EMC3: variants seen among roughly 807,000 people sequenced by gnomAD.
EMC3 encodes the protein ER membrane protein complex subunit 3.
In EMC3, 13 loss-of-function variants were observed where a neutral mutation model predicts 36.6. That is an observed-to-expected ratio of 0.35 (90% confidence interval 0.23 to 0.56). The LOEUF (loss-of-function observed/expected upper bound fraction) is 0.56. Among genes scored for constraint, EMC3 ranks in the 20% least tolerant of loss-of-function variants. The probability of loss-of-function intolerance (pLI) is 0.84; values close to 1 mark genes in which losing one functional copy is unlikely to be tolerated. For synonymous variants in EMC3, 120 were observed against 111.9 expected (o/e 1.07, Z -0.46); for missense variants, 220 against 324.5 (o/e 0.68, Z 2.47).
chr3:10,010,366 C>T (rs956291341), intron 1 of EMC3: 10 of 152,186 alleles, frequency 6.6e-5, no homozygotes, highest in African/African-American at 2.2e-4. Flanking sequence ...GAGATCGCGC[C>T]ACTGCACTCC....
At chr3:9,967,368 A>G (rs2085744453) in intron 7 of EMC3, among the ~76,000 whole-genome samples, 1 of 73,478 alleles carries the variant, frequency 1.4e-5, no homozygotes, top group Admixed American at 1.2e-4. Context: ...CTGTTGAACC[A>G]TTTGGACTTA....
At chr3:9,988,538 A>G (rs998377474), upstream of EMC3, 108 of 905,782 alleles carry the variant, frequency 1.2e-4, 1 homozygote, top group Non-Finnish European at 1.9e-4. Flanking sequence ...TGACAGATGT[A>G]TAACTGAGGT....
At chr3:9,973,761 T>A (rs2085815005) in intron 4 of EMC3, 52 bp from the exon 5 acceptor site, 4 of 1,504,068 alleles carry the variant, frequency 2.7e-6, no homozygotes, top group Non-Finnish European at 3.7e-6. Flanking sequence ...ATTTTTAGAA[T>A]AAGTGTGACT....
chr3:10,001,774 G>A (rs2086203350), intron 1 of EMC3, among the ~76,000 whole-genome samples: 1 of 152,086 alleles, frequency 6.6e-6, no homozygotes, highest in Non-Finnish European at 1.5e-5. Flanking sequence ...GAGGCGGGCA[G>A]ATCACGAGTT....
At chr3:9,993,261 C>T (rs1246650896) in intron 1 of EMC3, among the ~76,000 whole-genome samples, 1 of 152,104 alleles carries the variant, frequency 6.6e-6, no homozygotes, top group Non-Finnish European at 1.5e-5. Flanking sequence ...CTAGTAGAAA[C>T]GTAAATATGG....
At chr3:10,007,816 G>A (rs751311069) in intron 1 of EMC3, among the ~76,000 whole-genome samples, 4 of 152,076 alleles carry the variant, frequency 2.6e-5, no homozygotes, top group Admixed American at 6.5e-5. Context: ...GTGCATGGCC[G>A]GCATCTGAGT....
At chr3:9,969,275 T>C (rs2085761763) in intron 7 of EMC3, 4 of 1,065,980 alleles carry the variant, frequency 3.8e-6, no homozygotes, top group Admixed American at 5.0e-5. Context: ...TTCCCTTCTC[T>C]TTTAGTTTCT....
chr3:10,007,409 CG>C, intron 1 of EMC3: 1 of 1,361,224 alleles, frequency 7.3e-7, no homozygotes, highest in Non-Finnish European at 9.8e-7. Context: ...GGGTCAGTGG[CG>C]GGGTGTGGTC....
In EMC3 at chr3:9,964,067, C is replaced by T; in HGVS notation, c.*2G>A. ...CTGACACAGCTAATCCCTGCTCGGT[C>T]TTCAAAAAATAGAGGTCTGTAATTC... On this transcript the variant is annotated 3_prime_UTR_variant, in exon 8 of 8. Transcript: ENST00000245046. 6.2e-7 allele frequency: 1 copy of T among 1,614,000 alleles called. No homozygotes were observed. Among genetic ancestry groups the T allele is most frequent in the Non-Finnish European group, 8.5e-7 (1 of 1,179,944 alleles).
At chr3:9,975,607 T>C (rs1008277212) in intron 3 of EMC3, among the ~76,000 whole-genome samples, 1 of 151,820 alleles carries the variant, frequency 6.6e-6, no homozygotes, top group African/African-American at 2.4e-5. Flanking sequence ...GGTCAGGAGA[T>C]GGAGACCATC....
intron 1 of EMC3, among the ~76,000 whole-genome samples, chr3:9,986,262 T>A (rs1265926910): frequency 1.3e-5 from 2 of 152,120 alleles, no homozygotes; most frequent in Non-Finnish European, 2.9e-5. Context: ...CAACACTCAA[T>A]ACGTCCTAGA....
chr3:9,987,127 T>G, upstream of EMC3: 1 of 812,652 alleles, frequency 1.2e-6, no homozygotes, highest in African/African-American at 2.0e-5. Flanking sequence ...GGCAGGAGAA[T>G]GGCGTGAACC....
upstream of EMC3, among the ~76,000 whole-genome samples, chr3:9,990,321 TTC>T (rs1559355838): frequency 1.4e-5 from 2 of 138,532 alleles, no homozygotes; most frequent in African/African-American, 5.7e-5. Flanking sequence ...TGCCGGGCCT[TTC>T]TCTTTTTTTT....
intron 4 of EMC3, 141 bp downstream of exon 4, chr3:9,974,243 G>A (rs1008784548): frequency 5.8e-5 from 36 of 624,620 alleles, no homozygotes; most frequent in Admixed American, 2.3e-4. Context: ...GGCAAAAGCC[G>A]TAAAAGTCAT....
upstream of EMC3, chr3:9,987,113 C>G (rs1429165748): frequency 1.2e-6 from 1 of 823,540 alleles, no homozygotes; most frequent in Non-Finnish European, 1.5e-6. Flanking sequence ...ACTCGGGAGG[C>G]TGAGGCAGGA....
chr3:9,990,272 A>G (rs2086031661), upstream of EMC3, among the ~76,000 whole-genome samples: 1 of 147,152 alleles, frequency 6.8e-6, no homozygotes, highest in African/African-American at 2.5e-5. Flanking sequence ...GATCCACCTC[A>G]GCCTCCCAAA....
chr3:10,000,796 G>T, intron 1 of EMC3: 2 of 486,316 alleles, frequency 4.1e-6, no homozygotes, highest in Non-Finnish European at 8.3e-6. Flanking sequence ...GTTCTTATTG[G>T]TGTCTGTGTA....
chr3:9,992,405 T>C (rs1019276665), intron 1 of EMC3, among the ~76,000 whole-genome samples: 1 of 152,168 alleles, frequency 6.6e-6, no homozygotes, highest in African/African-American at 2.4e-5. Context: ...GGATTACAGG[T>C]GTGAGCCCCC....
intron 3 of EMC3, 63 bp from the exon 4 acceptor site, chr3:9,974,551 T>C (rs2085823346): frequency 8.6e-7 from 1 of 1,163,708 alleles, no homozygotes; most frequent in African/African-American, 1.5e-5. Context: ...GACTTTCTCC[T>C]GATTTTCTGT....
Sources: gnomAD v4.1 joint callset for allele counts (sites outside exome capture counted in the v4.1 genomes callset) on GRCh38, gnomAD v4.1.1 for gene constraint, MANE v1.5 for transcripts, NCBI Gene and HGNC (gene_info 2026-07-23, HGNC 2026-07-21) for gene names.